Variants in MED12 observed in about 807,000 individuals in gnomAD.
MED12 encodes mediator of RNA polymerase II transcription subunit 12.
Under a neutral mutation model 177.7 loss-of-function variants are expected in MED12, and 10 were observed. The observed-to-expected ratio is 0.06, with a 90% CI of 0.03 to 0.10. The LOEUF (loss-of-function observed/expected upper bound fraction) is 0.10, where lower values mean the gene tolerates loss of function less well. MED12 is among the 10% of genes least tolerant of loss of function. The probability of loss-of-function intolerance (pLI) is 1.00; values close to 1 mark genes in which losing one functional copy is unlikely to be tolerated. For missense variants in MED12, 867 were observed against 1,780.8 expected (o/e 0.49, Z 9.23); for synonymous variants, 641 against 678.4 (o/e 0.94, Z 0.86).
Position 71,129,782 on chromosome X carries a change from G to A in MED12, c.3794G>A (p.Gly1265Asp), listed in dbSNP as rs2147807534. 8.3e-7 allele frequency: 1 copy of A among 1,210,563 alleles called. No individual in the cohort carries two copies. Among genetic ancestry groups the A allele is most frequent in the Non-Finnish European group, 1.1e-6 (1 of 894,885 alleles). Residue 1265 changes from glycine (G) to aspartate (D), a missense_variant, in exon 27 of 45, where the codon GGC becomes GAC. By Grantham distance (94) the Gly-to-Asp change is moderately conservative. Transcript: ENST00000374080. ...GGGSGGRRQG[G>D]RNISVETASL... The stretch of plus-strand genomic sequence containing the variant: ...GGCAGTGGTGGTCGGAGGCAGGGTG[G>A]CCGCAACATCTCTGTGGAGACAGCC...
chrX:71,135,340 A>T (rs2092329373), intron 36 of MED12, 87 bp downstream of exon 36: 1 of 1,049,861 alleles, frequency 9.5e-7, no homozygotes, highest in Admixed American at 2.2e-5. Flanking sequence ...GCTCCAACAG[A>T]CTCATCAGAT....
In MED12 at chrX:71,128,595, C is replaced by T; in HGVS notation, c.3355-3C>T. On this transcript the variant is annotated splice_polypyrimidine_tract_variant and splice_region_variant and intron_variant, in intron 23 of 44. Coordinates refer to ENST00000374080, the MANE Select transcript of MED12 (RefSeq NM_005120.3). Reference sequence around the variant, plus strand: ...CATGGTGTCTGTCTGTTTTTTCCTCCAGGTCAGTGACCTATCTTTTCATGA... The same window carrying T: ...CATGGTGTCTGTCTGTTTTTTCCTCTAGGTCAGTGACCTATCTTTTCATGA... 8.3e-7 allele frequency: 1 copy of T among 1,211,055 alleles called. No individual in the cohort carries two copies. Among genetic ancestry groups the T allele is most frequent in the Non-Finnish European group, 1.1e-6 (1 of 895,431 alleles).
chrX:71,125,285 G>A, intron 15 of MED12, 66 bp from the exon 16 acceptor site: 1 of 1,204,686 alleles, frequency 8.3e-7, no homozygotes, highest in Admixed American at 2.2e-5. Context: ...TGAGGGGTGT[G>A]GAGCATGCTT....
Position 71,137,815 on chromosome X carries a change from T to C in MED12, c.5916T>C (p.Pro1972=), listed in dbSNP as rs2092336480. ...TGCCCCCCAGCTACTCCAGCCAGCCTTACCAGAGCACCCACCCTTCTACCA... is the reference window on the plus strand; with the variant it reads ...TGCCCCCCAGCTACTCCAGCCAGCCCTACCAGAGCACCCACCCTTCTACCA... The part of the protein sequence containing the change: ...TMVPPSYSSQ[P]YQSTHPSTNP... Residue 1972 remains proline (P), a synonymous_variant, in exon 41 of 45, where the codon CCT becomes CCC. Coordinates refer to ENST00000374080, the MANE Select transcript of MED12 (RefSeq NM_005120.3). The C allele has an allele frequency of 8.3e-7, 1 of 1,209,354 alleles. No individual in the cohort carries two copies. Among genetic ancestry groups the C allele is most frequent in the Non-Finnish European group, 1.1e-6 (1 of 895,043 alleles).
chrX:71,121,908 A>G (rs889516860), intron 7 of MED12, 92 bp downstream of exon 7: 1 of 1,144,740 alleles, frequency 8.7e-7, no homozygotes, highest in African/African-American at 1.8e-5. Flanking sequence ...TCCAAATTGG[A>G]TGTGGGAGTA....
rs375971110 is a variant in MED12 at position 71,127,061 on chromosome X, C to T, written c.2778C>T (p.Ile926=). 12 of 1,210,416 alleles carry T rather than the reference C, an allele frequency of 9.9e-6. No individual in the cohort carries two copies. In the South Asian group the frequency reaches 1.2e-4, roughly 12 times the overall value. Residue 926 remains isoleucine, a synonymous_variant, in exon 20 of 45, where the codon ATC becomes ATT. Coordinates refer to ENST00000374080, the MANE Select transcript of MED12 (RefSeq NM_005120.3). ...GSYTTSLCLC[I]VAVLRHYHAC... is the part of the protein sequence containing the mutation. ...ACACTACTAGCCTGTGCCTGTGCATCGTGGCTGTCCTGCGGCACTATCATG... is the reference window on the plus strand; with the variant it reads ...ACACTACTAGCCTGTGCCTGTGCATTGTGGCTGTCCTGCGGCACTATCATG...
intron 36 of MED12, among the ~76,000 whole-genome samples, chrX:71,135,490 C>A (rs1018331766): frequency 9.0e-5 from 10 of 110,611 alleles, no homozygotes; most frequent in Non-Finnish European, 1.7e-4. Flanking sequence ...AACATACCAC[C>A]CATTTTTCAA....
Position 71,125,395 on chromosome X carries a change from G to C in MED12, c.2271G>C (p.Leu757=), listed in dbSNP as rs756091104. 2.1e-5 allele frequency: 25 copies of C among 1,211,141 alleles called. No homozygotes were observed. In the East Asian group the frequency reaches 7.4e-4, roughly 36 times the overall value. Residue 757 remains leucine, a synonymous_variant, in exon 16 of 45, where the codon CTG becomes CTC. Coordinates refer to ENST00000374080, the MANE Select transcript of MED12 (RefSeq NM_005120.3). The part of the protein sequence containing the change: ...SHECNQRLVV[L]FGVGKQRDDA... ...AGTGCAACCAGCGGTTGGTCGTACT[G>C]TTTGGGGTGGGAAAGCAGCGAGATG... is the stretch of plus-strand genomic sequence containing the variant.
intron 19 of MED12, 110 bp downstream of exon 19, chrX:71,126,594 G>A (rs1028262347): frequency 3.3e-5 from 31 of 941,599 alleles, no homozygotes; most frequent in Non-Finnish European, 3.9e-5. Context: ...CAAGCTATTT[G>A]AAGGGGCAGA....
At chrX:71,138,062 A>T in intron 41 of MED12, 119 bp downstream of exon 41, 1 of 705,393 alleles carries the variant, frequency 1.4e-6, no homozygotes, top group East Asian at 3.4e-5. Context: ...CATCAAGAAT[A>T]CTTATCTGGC....
In MED12 at chrX:71,121,237, C is replaced by T. The variant is rs1037076541; in HGVS notation, c.735+85C>T. 34 of 1,188,826 alleles carry T rather than the reference C, an allele frequency of 2.9e-5. 1 individual carries two copies. In the Admixed American group the frequency reaches 5.7e-4, roughly 20 times the overall value. ...GTAGAGAACAGAATCTGCCTGCCACCTTGCCCCAGTTGTGGTTCTCTTCAT... is the reference window on the plus strand; with the variant it reads ...GTAGAGAACAGAATCTGCCTGCCACTTTGCCCCAGTTGTGGTTCTCTTCAT... On this transcript the variant is annotated intron_variant, in intron 5 of 44. Coordinates refer to ENST00000374080, the MANE Select transcript of MED12 (RefSeq NM_005120.3).
intron 41 of MED12, 37 bp from the exon 42 acceptor site, chrX:71,140,598 C>A (rs769544576): frequency 1.7e-6 from 2 of 1,211,397 alleles, no homozygotes; most frequent in Non-Finnish European, 2.2e-6. Context: ...TCCTCACCTC[C>A]CTCATGCCTT....
rs751325264 is a variant in MED12, at chrX:71,136,694, C to T, written c.5400+39C>T. On this transcript the variant is annotated intron_variant, in intron 37 of 44. Transcript: ENST00000374080. ...CCGTGACAGTTCTCCCACAGCCTCTCACTTCATGACGCTCCGGTTTCTGGT... is the reference window on the plus strand; with the variant it reads ...CCGTGACAGTTCTCCCACAGCCTCTTACTTCATGACGCTCCGGTTTCTGGT... 1.0e-5 allele frequency: 12 copies of T among 1,203,120 alleles called. No homozygotes were observed. The South Asian group carries it at 2.2e-4, about 22-fold the overall frequency.
intron 41 of MED12, 58 bp from the exon 42 acceptor site, chrX:71,140,577 C>G (rs2147837453): frequency 3.3e-6 from 4 of 1,210,862 alleles, no homozygotes; most frequent in African/African-American, 1.7e-5. Context: ...AAGGTTTATA[C>G]TGACCCCCTC....
At chrX:71,137,112 G>T in intron 38 of MED12, 75 bp from the exon 39 acceptor site, 1 of 1,191,426 alleles carries the variant, frequency 8.4e-7, no homozygotes, top group Non-Finnish European at 1.1e-6. Flanking sequence ...CCCCTGAGGA[G>T]CTATGGATGT....
intron 43 of MED12, 82 bp from the exon 44 acceptor site, chrX:71,141,801 C>CAAAA: frequency 2.5e-6 from 2 of 803,875 alleles, no homozygotes; most frequent in Non-Finnish European, 3.5e-6. Flanking sequence ...GACTCCATCT[C>CAAAA]AAAAAAAAAA....
At chrX:71,126,799 A>G (rs1187094762) in intron 19 of MED12, among the ~76,000 whole-genome samples, 170 bp from the exon 20 acceptor site, 1 of 112,409 alleles carries the variant, frequency 8.9e-6, no homozygotes, top group African/African-American at 3.2e-5. Context: ...TAAACTATCA[A>G]TAGAGGTGTT....
At chrX:71,140,491 C>T in intron 41 of MED12, 144 bp from the exon 42 acceptor site, 1 of 1,052,324 alleles carries the variant, frequency 9.5e-7, no homozygotes, top group African/African-American at 1.8e-5. Context: ...AACTTATTCC[C>T]CAGACTGGAA....
chrX:71,127,602 T>A, intron 21 of MED12, 135 bp downstream of exon 21: 1 of 577,391 alleles, frequency 1.7e-6, no homozygotes, highest in African/African-American at 2.2e-5. Context: ...GTCCTCCACA[T>A]ACTGTTGTGT....
Sources: allele counts gnomAD v4.1 joint callset (sites outside exome capture counted in the v4.1 genomes callset), GRCh38; gene constraint gnomAD v4.1.1; transcripts MANE v1.5; gene names NCBI Gene and HGNC (gene_info 2026-07-23, HGNC 2026-07-21).